Variants in TSPAN15 observed in about 807,000 individuals in gnomAD.
The protein encoded by TSPAN15 is tetraspanin 15.
Under a neutral mutation model 34.5 loss-of-function variants are expected in TSPAN15, and 20 were observed. The ratio of observed to expected loss-of-function variants is 0.58; its 90% CI spans 0.41 to 0.84. The LOEUF (loss-of-function observed/expected upper bound fraction) is 0.84. TSPAN15 is among the 40% of genes least tolerant of loss of function. The pLI is 0.00. For synonymous variants in TSPAN15, 155 were observed against 153.9 expected, an observed-to-expected ratio of 1.01 and a Z score of -0.05; for missense variants, 313 against 386.1, an observed-to-expected ratio of 0.81 and a Z score of 1.59.
At chr10:69,491,509 C>T (rs1841968706) in intron 3 of TSPAN15, among the ~76,000 whole-genome samples, 2 of 152,164 alleles carry the variant, frequency 1.3e-5, no homozygotes, top group Admixed American at 6.5e-5. Flanking sequence ...ACTACAGGTG[C>T]ATGCCACCAT....
the TSPAN15 span, among the ~76,000 whole-genome samples, chr10:69,522,683 G>A: frequency 6.8e-6 from 1 of 147,300 alleles, no homozygotes; most frequent in Non-Finnish European, 1.5e-5. Flanking sequence ...TGTGAACTGT[G>A]CATTCAAGGG....
chr10:69,493,521 A>G (rs4523587), intron 3 of TSPAN15, among the ~76,000 whole-genome samples: 66,197 of 143,326 alleles, frequency 0.46, 15,435 homozygotes, highest in African/African-American at 0.55. Context: ...CACCCAGTCT[A>G]GAGTGCAGTG....
At chr10:69,488,239 G>GA (rs1197944677) in intron 3 of TSPAN15, among the ~76,000 whole-genome samples, 1 of 152,112 alleles carries the variant, frequency 6.6e-6, no homozygotes, top group Non-Finnish European at 1.5e-5. Flanking sequence ...ACTCTAATGT[G>GA]ATATGATTTT....
chr10:69,470,127 C>T (rs553029677), intron 1 of TSPAN15, among the ~76,000 whole-genome samples: 10 of 152,312 alleles, frequency 6.6e-5, no homozygotes, highest in Admixed American at 5.9e-4. Flanking sequence ...TTGAAGCCTC[C>T]AGGCCACTTG....
chr10:69,530,667 G>A, the TSPAN15 span, among the ~76,000 whole-genome samples: 3 of 144,300 alleles, frequency 2.1e-5, no homozygotes, highest in Non-Finnish European at 4.6e-5. Context: ...TTAGCCAGGG[G>A]TGGTGGTGTG....
downstream of TSPAN15, among the ~76,000 whole-genome samples, chr10:69,508,376 G>A (rs1842378101): frequency 7.1e-6 from 1 of 141,626 alleles, no homozygotes; most frequent in Admixed American, 7.2e-5. Context: ...GGGAGGCGGA[G>A]GTTGTGGTGA....
chr10:69,511,487 C>T (rs1842414331), downstream of TSPAN15, among the ~76,000 whole-genome samples: 1 of 152,158 alleles, frequency 6.6e-6, no homozygotes, highest in South Asian at 2.1e-4. Context: ...ATTAGTCTTG[C>T]TAGCGGTCTA....
the TSPAN15 span, among the ~76,000 whole-genome samples, chr10:69,521,002 T>G: frequency 1.5e-4 from 5 of 33,264 alleles, no homozygotes; most frequent in Non-Finnish European, 2.9e-4. Context: ...CCTTTTTTTT[T>G]TTTTTTTGGA....
chr10:69,453,535 A>T (rs929099168), intron 1 of TSPAN15, among the ~76,000 whole-genome samples: 1 of 152,158 alleles, frequency 6.6e-6, no homozygotes, highest in East Asian at 1.9e-4. Context: ...CCTTCCCCAG[A>T]TATATAATCA....
At chr10:69,543,822 G>C in the TSPAN15 span, among the ~76,000 whole-genome samples, 7 of 150,816 alleles carry the variant, frequency 4.6e-5, no homozygotes, top group South Asian at 1.5e-3. Flanking sequence ...GGAGAAGAGG[G>C]GGAGAGGGAA....
intron 1 of TSPAN15, among the ~76,000 whole-genome samples, chr10:69,474,388 G>A (rs1841571207): frequency 6.6e-6 from 1 of 152,184 alleles, no homozygotes; most frequent in Non-Finnish European, 1.5e-5. Flanking sequence ...GCATGAACCA[G>A]TTCCCAGACA....
Position 69,507,491 on chromosome 10 carries a change from GC to G in TSPAN15, c.*514del, listed in dbSNP as rs1432052788. ...AGGTGCCTTGAGCCCTCTTGCAAGG[GC>G]GGCTGCTTCCTTGAGCCTAGTTTTT... On this transcript the variant is annotated 3_prime_UTR_variant, in exon 8 of 8. Coordinates refer to ENST00000373290, the MANE Select transcript of TSPAN15 (RefSeq NM_012339.5). 13 of 1,304,562 alleles carry G rather than the reference GC, an allele frequency of 1.0e-5. No homozygotes were observed. The highest frequency in any genetic ancestry group is 1.3e-5 in the Non-Finnish European group (13 of 989,380). The allele number at this position is 1,304,562 out of a possible 1,614,324, so 80.8% of individuals were successfully genotyped here.
chr10:69,545,185 A>AC, the TSPAN15 span, among the ~76,000 whole-genome samples: 8 of 151,566 alleles, frequency 5.3e-5, no homozygotes, highest in African/African-American at 1.9e-4. Flanking sequence ...CTCCCCCTTT[A>AC]CCCCCGGGAG....
At chr10:69,470,260 G>T (rs1173540640) in intron 1 of TSPAN15, among the ~76,000 whole-genome samples, 1 of 152,180 alleles carries the variant, frequency 6.6e-6, no homozygotes, top group East Asian at 1.9e-4. Flanking sequence ...TATCACATTA[G>T]GGGGTGTGTG....
intron 3 of TSPAN15, among the ~76,000 whole-genome samples, chr10:69,492,146 G>T (rs1841981412): frequency 6.6e-6 from 1 of 152,300 alleles, no homozygotes; most frequent in East Asian, 1.9e-4. Context: ...GGCATGGCCT[G>T]GTTTGGAGGG....
intron 1 of TSPAN15, among the ~76,000 whole-genome samples, chr10:69,473,084 T>A (rs1175864422): frequency 6.6e-6 from 1 of 152,194 alleles, no homozygotes; most frequent in African/African-American, 2.4e-5. Context: ...CATTGTTGGT[T>A]TTATAGATAT....
downstream of TSPAN15, among the ~76,000 whole-genome samples, chr10:69,509,238 C>T (rs112818116): frequency 0.057 from 8,712 of 152,256 alleles, 322 homozygotes; most frequent in African/African-American, 0.086. Flanking sequence ...ACCCCTCTAC[C>T]TCACACTGCA....
downstream of TSPAN15, among the ~76,000 whole-genome samples, chr10:69,511,362 A>C (rs930394992): frequency 1.1e-4 from 16 of 152,112 alleles, no homozygotes; most frequent in Admixed American, 1.0e-3. Flanking sequence ...GTTTATTTGC[A>C]TAGAGGTGTT....
Position 69,506,103 on chromosome 10 carries a change from A to C in TSPAN15, c.619-21A>C, listed in dbSNP as rs1158090931. 1.9e-6 allele frequency: 3 copies of C among 1,609,318 alleles called. No homozygotes were observed. In the Admixed American group the frequency reaches 5.0e-5, roughly 27 times the overall value. On this transcript the variant is annotated intron_variant, in intron 6 of 7. Transcript: ENST00000373290. This position sits in a 1 kb window ranked among gnomAD's most constrained non-coding sequence, Gnocchi z 4.7. ...CCAGCCGAGGTCCTCTGCTGGGCTG[A>C]CCCAGCTCCTTCCCATGCAGCGTTT...
Sources: allele counts gnomAD v4.1 joint callset (sites outside exome capture counted in the v4.1 genomes callset), GRCh38; gene constraint gnomAD v4.1.1; non-coding constraint Gnocchi (gnomAD v3.1); transcripts MANE v1.5; gene names NCBI Gene and HGNC (gene_info 2026-07-23, HGNC 2026-07-21).